DMRT1: variants seen among roughly 807,000 people sequenced by gnomAD.
The protein encoded by DMRT1 is doublesex- and mab-3-related transcription factor 1.
Under a neutral mutation model 32.3 loss-of-function variants are expected in DMRT1, and 7 were observed. The ratio of observed to expected loss-of-function variants is 0.22; its 90% CI spans 0.12 to 0.41. DMRT1 has a LOEUF of 0.41. DMRT1 is among the 10% of genes least tolerant of loss of function. DMRT1 has a pLI of 1.00. For missense variants in DMRT1, 625 were observed against 500.5 expected (o/e 1.25, Z -2.37); for synonymous variants, 278 against 206.1 (o/e 1.35, Z -2.99).
intron 2 of DMRT1, among the ~76,000 whole-genome samples, chr9:889,935 G>C (rs1447895970): frequency 1.3e-5 from 2 of 152,004 alleles, no homozygotes; most frequent in African/African-American, 2.4e-5. Flanking sequence ...TGGTAGGATA[G>C]GTCATTTATT....
At chr9:880,616 T>C (rs954740593) in intron 2 of DMRT1, among the ~76,000 whole-genome samples, 6 of 150,828 alleles carry the variant, frequency 4.0e-5, no homozygotes, top group Non-Finnish European at 8.8e-5. Context: ...ATCCCAGCCA[T>C]TCAGGAGGCT....
At chr9:953,732 A>G (rs1435860804) in intron 4 of DMRT1, among the ~76,000 whole-genome samples, 1 of 152,096 alleles carries the variant, frequency 6.6e-6, no homozygotes, top group Admixed American at 6.5e-5. Context: ...TTCCATGCAT[A>G]CTTACCTAGT....
intron 2 of DMRT1, among the ~76,000 whole-genome samples, chr9:864,774 A>G (rs1057006963): frequency 2.6e-5 from 4 of 152,156 alleles, no homozygotes; most frequent in Non-Finnish European, 5.9e-5. Flanking sequence ...TGCTGGGATT[A>G]CAGGCGTGAG....
At chr9:859,509 G>C (rs1815558538) in intron 2 of DMRT1, among the ~76,000 whole-genome samples, 1 of 152,160 alleles carries the variant, frequency 6.6e-6, no homozygotes, top group Non-Finnish European at 1.5e-5. Context: ...GTCAAAAGCA[G>C]CTATGCAAAT....
chr9:964,887 C>A (rs920653813), intron 4 of DMRT1, among the ~76,000 whole-genome samples: 2 of 152,160 alleles, frequency 1.3e-5, no homozygotes, highest in African/African-American at 4.8e-5. Flanking sequence ...ATCTGTTCCC[C>A]CACAGTGCCA....
chr9:936,915 G>A (rs1040213004), intron 4 of DMRT1, among the ~76,000 whole-genome samples: 1 of 152,048 alleles, frequency 6.6e-6, no homozygotes, highest in East Asian at 1.9e-4. Context: ...TCACAATCTT[G>A]TATAACCATC....
intron 2 of DMRT1, among the ~76,000 whole-genome samples, chr9:858,015 C>A (rs568938688): frequency 6.6e-6 from 1 of 151,882 alleles, no homozygotes; most frequent in Non-Finnish European, 1.5e-5. Flanking sequence ...TTTTCTTAAT[C>A]CAGTCTATTA....
chr9:903,167 C>G (rs77441406), intron 3 of DMRT1, among the ~76,000 whole-genome samples: 18,251 of 152,106 alleles, frequency 0.12, 1,308 homozygotes, highest in South Asian at 0.19. Context: ...ATAGTGGACC[C>G]AATTCTCTTG....
chr9:892,430 C>T (rs542490542), intron 2 of DMRT1, among the ~76,000 whole-genome samples: 1 of 151,096 alleles, frequency 6.6e-6, no homozygotes, highest in Admixed American at 6.6e-5. Flanking sequence ...ACCTGCCCAC[C>T]CTCTGCTCTA....
At chr9:939,590 A>C (rs1373821458) in intron 4 of DMRT1, among the ~76,000 whole-genome samples, 3 of 152,176 alleles carry the variant, frequency 2.0e-5, no homozygotes, top group Non-Finnish European at 4.4e-5. Flanking sequence ...ATTGGCATTT[A>C]ATGCACACCT....
intron 4 of DMRT1, among the ~76,000 whole-genome samples, chr9:941,077 G>T (rs953148729): frequency 1.3e-4 from 20 of 152,188 alleles, no homozygotes; most frequent in Admixed American, 2.0e-4. Flanking sequence ...GGCACTATTG[G>T]TGGGAATGTG....
chr9:966,076 T>G (rs1326351417), intron 4 of DMRT1, among the ~76,000 whole-genome samples: 1 of 152,214 alleles, frequency 6.6e-6, no homozygotes, highest in Non-Finnish European at 1.5e-5. Flanking sequence ...CAGATCTGTA[T>G]AGTAACAAGA....
chr9:928,131 T>C (rs1361032036), intron 4 of DMRT1, among the ~76,000 whole-genome samples: 1 of 152,190 alleles, frequency 6.6e-6, no homozygotes, highest in African/African-American at 2.4e-5. Flanking sequence ...TTAGCTTAAA[T>C]CTGCAAAATA....
chr9:864,712 G>T (rs1051905655), intron 2 of DMRT1, among the ~76,000 whole-genome samples: 1 of 150,524 alleles, frequency 6.6e-6, no homozygotes, highest in East Asian at 2.0e-4. Context: ...ATGTTAGCCA[G>T]GATGGTCTCC....
At position 842,039 on chromosome 9, in the gene DMRT1, C is replaced by T. The variant is rs1010406034; in HGVS notation, c.201C>T (p.Ser67=). ...GGGCGTCGGACCTGGGTGCCGGGAG[C>T]AAGAAGTCCCCGCGGCTGCCCAAGT... ...GSGASDLGAG[S]KKSPRLPKCA... Residue 67 remains serine, a synonymous_variant, in exon 1 of 5, where the codon AGC becomes AGT. Coordinates refer to ENST00000382276, the MANE Select transcript of DMRT1 (RefSeq NM_021951.3). The T allele has an allele frequency of 5.2e-6, 8 of 1,546,474 alleles. No homozygotes were observed. In the African/African-American group the frequency reaches 1.1e-4, roughly 21 times the overall value.
intron 4 of DMRT1, among the ~76,000 whole-genome samples, chr9:934,992 C>T (rs1201671875): frequency 3.3e-5 from 5 of 152,142 alleles, no homozygotes; most frequent in South Asian, 2.1e-4. Context: ...TATATCTTTC[C>T]TACAGTTCTG....
At chr9:961,186 T>G (rs1469438189) in intron 4 of DMRT1, among the ~76,000 whole-genome samples, 1 of 152,068 alleles carries the variant, frequency 6.6e-6, no homozygotes, top group Non-Finnish European at 1.5e-5. Context: ...CCAGGGACAG[T>G]TTCTGGAATG....
At chr9:904,674 A>G (rs1817702621) in intron 3 of DMRT1, among the ~76,000 whole-genome samples, 1 of 152,130 alleles carries the variant, frequency 6.6e-6, no homozygotes, top group Non-Finnish European at 1.5e-5. Context: ...GCCGGGTGCT[A>G]TGGCTCACGC....
chr9:929,339 C>A (rs1484096566), intron 4 of DMRT1, among the ~76,000 whole-genome samples: 1 of 152,078 alleles, frequency 6.6e-6, no homozygotes, highest in East Asian at 1.9e-4. Context: ...ACTATGTTGC[C>A]CAGGCTGGAC....
Sources: gnomAD v4.1 joint callset for allele counts (sites outside exome capture counted in the v4.1 genomes callset) on GRCh38, gnomAD v4.1.1 for gene constraint, MANE v1.5 for transcripts, NCBI Gene and HGNC (gene_info 2026-07-23, HGNC 2026-07-21) for gene names.